The following ESRRG variants were observed in gnomAD, a reference collection of about 807,000 sequenced individuals.
The protein encoded by ESRRG is estrogen-related receptor gamma.
Under a neutral mutation model 44.0 loss-of-function variants are expected in ESRRG, and 13 were observed. The ratio of observed to expected loss-of-function variants is 0.30; its 90% confidence interval spans 0.19 to 0.47. The LOEUF is 0.47. Ranked by LOEUF, ESRRG falls within the 20% of genes least tolerant of loss-of-function variation. The probability of loss-of-function intolerance (pLI) is 1.00; values close to 1 mark genes in which losing one functional copy is unlikely to be tolerated. For missense variants in ESRRG, 395 were observed against 580.6 expected, an observed-to-expected ratio of 0.68 and a Z score of 3.29; for synonymous variants, 215 against 214.6, an observed-to-expected ratio of 1.00 and a Z score of -0.02.
At chr1:217,042,682 T>C (rs1414868440) in intron 1 of ESRRG, among the ~76,000 whole-genome samples, 1 of 152,036 alleles carries the variant, frequency 6.6e-6, no homozygotes, top group Non-Finnish European at 1.5e-5. Context: ...AAGATGTTTC[T>C]AATTCTAATT....
intron 1 of ESRRG, among the ~76,000 whole-genome samples, chr1:217,074,562 G>A (rs1327842249): frequency 3.3e-5 from 5 of 151,864 alleles, no homozygotes; most frequent in Non-Finnish European, 7.4e-5. Context: ...TATAGGGTAG[G>A]TGCAGTGGCT....
At chr1:216,964,870 A>G (rs1426816627) in intron 1 of ESRRG, among the ~76,000 whole-genome samples, 1 of 152,186 alleles carries the variant, frequency 6.6e-6, no homozygotes, top group Non-Finnish European at 1.5e-5. Context: ...AAAAGAGGCC[A>G]TGAATCTTCA....
intron 2 of ESRRG, among the ~76,000 whole-genome samples, chr1:216,771,957 G>C (rs2093403129): frequency 6.6e-6 from 1 of 151,664 alleles, no homozygotes; most frequent in African/African-American, 2.4e-5. Context: ...TATGACCTGA[G>C]GTGAACATTT....
chr1:216,877,897 A>G (rs2096382675), intron 2 of ESRRG, among the ~76,000 whole-genome samples: 1 of 152,168 alleles, frequency 6.6e-6, no homozygotes. Flanking sequence ...ACCAAGTTCT[A>G]TGTATCCATT....
At position 216,714,797 on chromosome 1, in the gene ESRRG, T is replaced by C. The variant is rs565497249; in HGVS notation, c.56+8447A>G. On this transcript the variant is annotated intron_variant, in intron 1 of 6. Coordinates refer to ENST00000408911, the MANE Select transcript of ESRRG (RefSeq NM_001438.4). ...ATAGATGATCTGTTCTCCATTTCTA[T>C]CTATTAAAAAATGCTTAAACTAGGT... 2.0e-5 allele frequency among the ~76,000 whole-genome samples: 3 copies of C among 152,292 alleles called. No individual in the cohort carries two copies. In the South Asian group the frequency reaches 6.2e-4, roughly 32 times the overall value.
At chr1:216,807,235 G>A (rs1008699164) in intron 2 of ESRRG, among the ~76,000 whole-genome samples, 4 of 152,090 alleles carry the variant, frequency 2.6e-5, no homozygotes, top group South Asian at 2.1e-4. Context: ...CCTTTCACCC[G>A]CAAAGACGGT....
At chr1:217,004,298 T>G (rs1181099382) in intron 1 of ESRRG, among the ~76,000 whole-genome samples, 1 of 152,128 alleles carries the variant, frequency 6.6e-6, no homozygotes, top group Non-Finnish European at 1.5e-5. Flanking sequence ...AATACCCAGG[T>G]GTCAAGGGCA....
intron 2 of ESRRG, among the ~76,000 whole-genome samples, chr1:216,893,665 AAC>A (rs1326158210): frequency 6.6e-6 from 1 of 152,124 alleles, no homozygotes; most frequent in African/African-American, 2.4e-5. Context: ...ATAAGATGTA[AAC>A]ACACAGGCAA....
intron 3 of ESRRG, among the ~76,000 whole-genome samples, chr1:216,610,186 G>A (rs1826977): frequency 0.8 from 121,942 of 151,526 alleles, 49,197 homozygotes; most frequent in Middle Eastern, 0.84. Context: ...CTTAAAGTGT[G>A]GATAATTGTA....
chr1:216,773,068 C>T lies in ESRRG; in HGVS notation c.-13-95577G>A, dbSNP rs138140755. Among the ~76,000 whole-genome samples, 21 of 152,066 alleles carry T rather than the reference C, an allele frequency of 1.4e-4. No homozygotes were observed. In the East Asian group the frequency reaches 3.7e-3, roughly 27 times the overall value. Reference sequence around the variant, plus strand: ...TTAGTCTGCCCTTGATCTGACCATTCGGGTAGGCAGAGAAGTCAAACAAAC... The same window carrying T: ...TTAGTCTGCCCTTGATCTGACCATTTGGGTAGGCAGAGAAGTCAAACAAAC... On this transcript the variant is annotated intron_variant, in intron 2 of 7. Transcript: ENST00000359162.
At chr1:216,794,298 A>G (rs1224581379) in intron 2 of ESRRG, among the ~76,000 whole-genome samples, 1 of 152,180 alleles carries the variant, frequency 6.6e-6, no homozygotes, top group Non-Finnish European at 1.5e-5. Flanking sequence ...GTTGGGGAAA[A>G]AGTTCCTAAA....
rs562969177 is a variant in ESRRG at position 217,004,342 on chromosome 1, GT to G, written c.-105-64670del. Among the ~76,000 whole-genome samples, 661 of 152,252 alleles carry G rather than the reference GT, an allele frequency of 4.3e-3. 6 individuals are homozygous for G. The highest frequency in any genetic ancestry group is 0.015 in the African/African-American group (636 of 41,550). ...TGGAGATAATTGAATCATGGGGATGGTTTCCCCAAAACTGTTCTAGTGGTAG... is the reference window on the plus strand; with the variant it reads ...TGGAGATAATTGAATCATGGGGATGGTTCCCCAAAACTGTTCTAGTGGTAG... On this transcript the variant is annotated intron_variant, in intron 1 of 7. Transcript: ENST00000359162.
At chr1:216,571,260 T>G (rs893362828) in intron 3 of ESRRG, among the ~76,000 whole-genome samples, 12 of 152,204 alleles carry the variant, frequency 7.9e-5, no homozygotes, top group African/African-American at 2.9e-4. Flanking sequence ...CTGGCCAACA[T>G]GGCGAGAACC....
rs757652219 is a variant in ESRRG at position 216,557,888 on chromosome 1, TG to T, written c.862+6330del. Among the ~76,000 whole-genome samples, 225 of 152,208 alleles carry T rather than the reference TG, an allele frequency of 1.5e-3. 2 individuals carry two copies. Among genetic ancestry groups the T allele is most frequent in the Admixed American group, 2.0e-3 (31 of 15,274 alleles). On this transcript the variant is annotated intron_variant, in intron 5 of 6. Transcript: ENST00000408911. ...ACTCAAATACTTAAATTGCATTCAG[TG>T]ATTACTATGAAATGATTATTTCACT...
intron 5 of ESRRG, among the ~76,000 whole-genome samples, chr1:216,528,225 C>T (rs931304340): frequency 3.3e-5 from 5 of 152,128 alleles, no homozygotes; most frequent in African/African-American, 7.2e-5. Context: ...GCACTGATTT[C>T]GTATAATGCT....
chr1:216,904,916 C>A (rs1182442135), intron 2 of ESRRG, among the ~76,000 whole-genome samples: 1 of 152,040 alleles, frequency 6.6e-6, no homozygotes, highest in Non-Finnish European at 1.5e-5. Context: ...AATTCTGCAC[C>A]CAAAATGAGA....
chr1:216,915,843 A>G (rs781625268), intron 2 of ESRRG, among the ~76,000 whole-genome samples: 12 of 152,196 alleles, frequency 7.9e-5, no homozygotes, highest in Non-Finnish European at 1.5e-4. Context: ...TTCTTCACAC[A>G]CTGTACTACC....
chr1:216,511,476 G>A lies in ESRRG; in HGVS notation c.1133-4293C>T, dbSNP rs147034990. Among the ~76,000 whole-genome samples the A allele has an allele frequency of 7.0e-4, 104 of 148,698 alleles. 2 individuals are homozygous for A. The East Asian group carries it at 0.019, about 27-fold the overall frequency. On this transcript the variant is annotated intron_variant, in intron 6 of 6. Transcript: ENST00000408911. ...ACAACAACAAACAGAGCAACTACAT[G>A]ACAAAACTAAAAATTCAGGGACATT...
chr1:216,661,614 G>A lies in ESRRG; in HGVS notation c.473-10525C>T, dbSNP rs59167345. On this transcript the variant is annotated intron_variant, in intron 2 of 6. Coordinates refer to ENST00000408911, the MANE Select transcript of ESRRG (RefSeq NM_001438.4). ...GATGATACCCTATATGATAAAAGCAGTTGATTCTTAAATAGAAATTTTACT... is the reference window on the plus strand; with the variant it reads ...GATGATACCCTATATGATAAAAGCAATTGATTCTTAAATAGAAATTTTACT... Among the ~76,000 whole-genome samples the A allele has an allele frequency of 5.7e-3, 864 of 152,196 alleles. 10 individuals carry two copies. Among genetic ancestry groups the A allele is most frequent in the African/African-American group, 0.02 (812 of 41,548 alleles).
Sources: allele counts gnomAD v4.1 joint callset (sites outside exome capture counted in the v4.1 genomes callset), GRCh38; gene constraint gnomAD v4.1.1; transcripts MANE v1.5; gene names NCBI Gene and HGNC (gene_info 2026-07-23, HGNC 2026-07-21).